NRG1: variants seen among roughly 807,000 people sequenced by gnomAD.
The protein encoded by NRG1 is pro-neuregulin-1, membrane-bound isoform.
A neutral mutation model predicts 63.8 loss-of-function variants in NRG1; 18 were observed. The ratio of observed to expected loss-of-function variants is 0.28; its 90% confidence interval spans 0.19 to 0.42. The LOEUF (loss-of-function observed/expected upper bound fraction) is 0.42, where lower values mean the gene tolerates loss of function less well. Ranked by LOEUF, NRG1 falls within the 10% of genes least tolerant of loss-of-function variation. The pLI is 1.00. For missense variants in NRG1, 762 were observed against 814.7 expected (o/e 0.94, Z 0.79); for synonymous variants, 302 against 301.3 (o/e 1.00, Z -0.02).
chr8:32,572,706 C>A (rs1046082998), intron 1 of NRG1, among the ~76,000 whole-genome samples: 9 of 151,996 alleles, frequency 5.9e-5, no homozygotes, highest in African/African-American at 2.2e-4. Flanking sequence ...TATTCAGATT[C>A]CAAGTGGTTG....
intron 1 of NRG1, among the ~76,000 whole-genome samples, chr8:31,707,040 G>T (rs567722537): frequency 6.6e-6 from 1 of 151,684 alleles, no homozygotes; most frequent in Non-Finnish European, 1.5e-5. Flanking sequence ...ATTTTCTGAA[G>T]AATTGGTTGA....
chr8:32,161,841 G>C (rs1563855987), intron 1 of NRG1, among the ~76,000 whole-genome samples: 1 of 152,080 alleles, frequency 6.6e-6, no homozygotes, highest in Non-Finnish European at 1.5e-5. Context: ...AAGAGTGAGA[G>C]AAAAAAGCAT....
intron 1 of NRG1, among the ~76,000 whole-genome samples, chr8:32,222,866 G>T (rs1348768504): frequency 6.6e-6 from 1 of 152,178 alleles, no homozygotes; most frequent in Admixed American, 6.5e-5. Flanking sequence ...TCACAGTCTT[G>T]CCTGTTTTAA....
chr8:32,394,185 T>C (rs1247655537), intron 1 of NRG1, among the ~76,000 whole-genome samples: 2 of 152,230 alleles, frequency 1.3e-5, no homozygotes, highest in Non-Finnish European at 2.9e-5. Flanking sequence ...GGTCTTTATC[T>C]CTCACCTTTA....
chr8:32,271,476 A>T (rs371256551), intron 1 of NRG1, among the ~76,000 whole-genome samples: 3 of 152,198 alleles, frequency 2.0e-5, no homozygotes, highest in Non-Finnish European at 4.4e-5. Flanking sequence ...ATTTTTTATT[A>T]TAAGAAAACA....
chr8:32,016,581 T>G (rs1815579799), intron 1 of NRG1, among the ~76,000 whole-genome samples: 1 of 152,184 alleles, frequency 6.6e-6, no homozygotes, highest in Non-Finnish European at 1.5e-5. Flanking sequence ...TGTTACACAA[T>G]GAGTTTTGTT....
chr8:32,088,501 A>G (rs1197311532), intron 1 of NRG1, among the ~76,000 whole-genome samples: 2 of 147,708 alleles, frequency 1.4e-5, no homozygotes, highest in South Asian at 2.2e-4. Flanking sequence ...TGGGTCTGAA[A>G]GAAAACTTAC....
intron 1 of NRG1, among the ~76,000 whole-genome samples, chr8:31,926,287 A>G (rs187336750): frequency 6.6e-6 from 1 of 152,068 alleles, no homozygotes; most frequent in Admixed American, 6.6e-5. Context: ...TTTCAGTTCC[A>G]TTAAACTATG....
At chr8:32,195,895 T>C (rs1475805460) in intron 1 of NRG1, among the ~76,000 whole-genome samples, 1 of 152,196 alleles carries the variant, frequency 6.6e-6, no homozygotes, top group African/African-American at 2.4e-5. Flanking sequence ...TACAGGATCC[T>C]GGAATGACTC....
At chr8:32,259,896 T>C (rs6992010) in intron 1 of NRG1, among the ~76,000 whole-genome samples, 26,984 of 152,130 alleles carry the variant, frequency 0.18, 2,782 homozygotes, top group African/African-American at 0.27. Flanking sequence ...ATCAGCTTTA[T>C]ACAAGAGTTA....
At chr8:32,484,895 A>G (rs1413703093) in intron 1 of NRG1, among the ~76,000 whole-genome samples, 1 of 152,202 alleles carries the variant, frequency 6.6e-6, no homozygotes, top group African/African-American at 2.4e-5. Flanking sequence ...TCATACCATC[A>G]TCTATCCTTC....
At chr8:32,754,774 G>T (rs1343501766) in intron 8 of NRG1, among the ~76,000 whole-genome samples, 1 of 152,092 alleles carries the variant, frequency 6.6e-6, no homozygotes, top group Non-Finnish European at 1.5e-5. Flanking sequence ...ACAGAATGAA[G>T]GCACCTCATT....
intron 5 of NRG1, among the ~76,000 whole-genome samples, chr8:32,699,186 C>A (rs760731709): frequency 4.6e-5 from 7 of 152,132 alleles, no homozygotes; most frequent in Non-Finnish European, 8.8e-5. Context: ...TGTTCCATGG[C>A]CAATTAGTTT....
intron 7 of NRG1, chr8:32,749,335 G>C (rs952611556): frequency 3.3e-6 from 2 of 600,216 alleles, no homozygotes; most frequent in East Asian, 5.7e-5. Context: ...TAAAGACACA[G>C]TGTGCTGGTA....
At chr8:31,776,075 A>C (rs1042585381) in intron 1 of NRG1, among the ~76,000 whole-genome samples, 3 of 152,028 alleles carry the variant, frequency 2.0e-5, no homozygotes, top group African/African-American at 7.3e-5. Flanking sequence ...ATTTAGTCTG[A>C]ATCTATAAAG....
intron 1 of NRG1, among the ~76,000 whole-genome samples, chr8:31,838,688 T>A (rs1228791173): frequency 6.6e-6 from 1 of 152,184 alleles, no homozygotes; most frequent in Non-Finnish European, 1.5e-5. Flanking sequence ...TTCTTTTTTA[T>A]GTCTTCAAAA....
At chr8:32,080,007 G>A (rs1462885) in intron 1 of NRG1, among the ~76,000 whole-genome samples, 82,558 of 151,944 alleles carry the variant, frequency 0.54, 26,366 homozygotes, top group Non-Finnish European at 0.71. Flanking sequence ...TTATAGCAAA[G>A]GGGACAAGAC....
intron 1 of NRG1, among the ~76,000 whole-genome samples, chr8:32,112,081 A>G (rs111954456): frequency 0.024 from 3,600 of 152,302 alleles, 155 homozygotes; most frequent in African/African-American, 0.082. Flanking sequence ...TGAATGCTGC[A>G]GCATTAAACT....
intron 1 of NRG1, among the ~76,000 whole-genome samples, chr8:31,908,483 C>A (rs910217016): frequency 6.6e-6 from 1 of 152,150 alleles, no homozygotes; most frequent in South Asian, 2.1e-4. Flanking sequence ...GTGCGGCAAC[C>A]TTGTCACCAG....
Sources: gnomAD v4.1 joint callset for allele counts (sites outside exome capture counted in the v4.1 genomes callset) on GRCh38, gnomAD v4.1.1 for gene constraint, MANE v1.5 for transcripts, NCBI Gene and HGNC (gene_info 2026-07-23, HGNC 2026-07-21) for gene names.